Variants in CACNA1I observed in about 807,000 individuals in gnomAD.
CACNA1I encodes the protein calcium voltage-gated channel subunit alpha1 I, also known as voltage-dependent T-type calcium channel subunit alpha-1I.
A neutral mutation model predicts 201.6 loss-of-function variants in CACNA1I; 74 were observed. That is an observed-to-expected ratio of 0.37 (90% CI 0.30 to 0.45). CACNA1I has a LOEUF of 0.45. CACNA1I is among the 20% of genes least tolerant of loss of function. The pLI, the probability that CACNA1I is intolerant of heterozygous loss-of-function variation, is 1.00. For missense variants in CACNA1I, 2,346 were observed against 3,138.1 expected, an observed-to-expected ratio of 0.75 and a Z score of 6.03; for synonymous variants, 1,431 against 1,345.2, an observed-to-expected ratio of 1.06 and a Z score of -1.40.
intron 3 of CACNA1I, among the ~76,000 whole-genome samples, chr22:39,613,951 C>T (rs954863763): frequency 5.9e-5 from 9 of 152,196 alleles, no homozygotes; most frequent in African/African-American, 2.2e-4. Context: ...GATTCTCTTC[C>T]CTCAGCCTCT....
chr22:39,674,125 C>A, intron 29 of CACNA1I, 92 bp downstream of exon 29: 2 of 1,228,856 alleles, frequency 1.6e-6, no homozygotes, highest in Non-Finnish European at 1.2e-6. Context: ...CTTCTCCTCA[C>A]ATCTGCCAGA....
intron 5 of CACNA1I, among the ~76,000 whole-genome samples, chr22:39,639,641 TA>T (rs1288181852): frequency 1.3e-5 from 2 of 152,334 alleles, no homozygotes; most frequent in Middle Eastern, 3.4e-3. Context: ...TCAAAAAGTT[TA>T]TTTTTGTGTA....
In CACNA1I at chr22:39,661,381, G is replaced by A. The variant is rs972589896; in HGVS notation, c.2901+71G>A. 103 of 1,171,696 alleles carry A rather than the reference G, an allele frequency of 8.8e-5. No homozygotes were observed. In the East Asian group the frequency reaches 2.8e-3, roughly 32 times the overall value. 72.6% of individuals were successfully genotyped at this position (1,171,696 alleles called of 1,614,324 possible). Reference sequence around the variant, plus strand: ...GTGTGTGGAGGGGCCCTGAAGAGAGGTACCTGCCAGTCTAGCCTCAGACTC... The same window carrying A: ...GTGTGTGGAGGGGCCCTGAAGAGAGATACCTGCCAGTCTAGCCTCAGACTC... On this transcript the variant is annotated intron_variant, in intron 16 of 36. Coordinates refer to ENST00000402142, the MANE Select transcript of CACNA1I (RefSeq NM_021096.4).
At chr22:39,619,165 G>A in intron 3 of CACNA1I, 145 bp from the exon 4 acceptor site, 1 of 660,886 alleles carries the variant, frequency 1.5e-6, no homozygotes, top group Non-Finnish European at 2.7e-6. Context: ...CCACATGTTG[G>A]CCAGGTGTAG....
At chr22:39,604,914 A>G (rs911789600) in intron 3 of CACNA1I, among the ~76,000 whole-genome samples, 7 of 151,954 alleles carry the variant, frequency 4.6e-5, no homozygotes, top group Admixed American at 1.3e-4. Flanking sequence ...CTCACTGCCC[A>G]GCTATGTGCT....
intron 1 of CACNA1I, among the ~76,000 whole-genome samples, chr22:39,591,713 C>T (rs1932824363): frequency 6.6e-6 from 1 of 151,982 alleles, no homozygotes; most frequent in African/African-American, 2.4e-5. Context: ...CGCCTGCCAC[C>T]ATGCCCAGCT....
At chr22:39,642,946 C>T (rs1934387125) in intron 7 of CACNA1I, 57 bp downstream of exon 7, 8 of 1,233,210 alleles carry the variant, frequency 6.5e-6, no homozygotes, top group Non-Finnish European at 8.2e-6. Flanking sequence ...GACCAGGGGA[C>T]CTGAGGAGGG....
chr22:39,647,586 AT>A (rs571865324), intron 8 of CACNA1I, among the ~76,000 whole-genome samples: 10 of 151,442 alleles, frequency 6.6e-5, no homozygotes, highest in South Asian at 6.3e-4. Flanking sequence ...TAATTTTTTA[AT>A]TTTTTTTTGT....
Position 39,659,021 on chromosome 22 carries a change from G to A in CACNA1I, c.2235G>A (p.Met745Ile). The change falls in exon 12 of 37, where the codon ATG becomes ATA. Residue 745 changes from methionine (M) to isoleucine (I), a missense_variant. Coordinates refer to ENST00000402142, the MANE Select transcript of CACNA1I (RefSeq NM_021096.4). The surrounding 1 kb of genome is among the most constrained non-coding windows in gnomAD (Gnocchi z 4.3). ...GCGTGCTGAAACTGGTGCGCTTCAT[G>A]CCTGCCCTGCGGCGCCAGCTCGTGG... ...LLRVLKLVRFMPALRRQLVVL... is the reference protein window; with the variant it reads ...LLRVLKLVRFIPALRRQLVVL... 6.2e-7 allele frequency: 1 copy of A among 1,612,672 alleles called. No homozygotes were observed. Among genetic ancestry groups the A allele is most frequent in the Non-Finnish European group, 8.5e-7 (1 of 1,179,574 alleles).
At position 39,666,033 on chromosome 22, in the gene CACNA1I, C is replaced by T; in HGVS notation, c.4104+27C>T. 6.2e-7 allele frequency: 1 copy of T among 1,606,416 alleles called. No individual in the cohort carries two copies. Among genetic ancestry groups the T allele is most frequent in the Non-Finnish European group, 8.5e-7 (1 of 1,175,854 alleles). On this transcript the variant is annotated intron_variant, in intron 23 of 36. Transcript: ENST00000402142. The surrounding 1 kb of genome is among the most constrained non-coding windows in gnomAD (Gnocchi z 4.1). ...TGAGCACCACCGTCCTAGCCCTGAT[C>T]AGACCCTCCCCTCTCTTGGATGCCA...
intron 17 of CACNA1I, 86 bp downstream of exon 17, chr22:39,662,521 G>GCGGGCCCA (rs1170222207): frequency 1.2e-5 from 13 of 1,069,416 alleles, no homozygotes; most frequent in Non-Finnish European, 1.4e-5. Context: ...GCCCGAGCGG[G>GCGGGCCCA]CGGGCCCACG....
intron 34 of CACNA1I, among the ~76,000 whole-genome samples, chr22:39,681,754 G>T (rs1160347261): frequency 1.3e-5 from 2 of 152,034 alleles, no homozygotes; most frequent in African/African-American, 4.8e-5. Flanking sequence ...ACAGCTGGGG[G>T]ATACCCTGGG....
chr22:39,620,898 C>T (rs1479178330), intron 4 of CACNA1I, among the ~76,000 whole-genome samples: 1 of 152,132 alleles, frequency 6.6e-6, no homozygotes. Flanking sequence ...GCTGGGACTA[C>T]AGGCATGTGC....
intron 1 of CACNA1I, among the ~76,000 whole-genome samples, chr22:39,571,534 G>A (rs1173508350): frequency 1.3e-5 from 2 of 152,172 alleles, no homozygotes; most frequent in Admixed American, 1.3e-4. Context: ...GGTCCTGGAG[G>A]TGCAGAGCAA....
At chr22:39,611,031 C>G (rs1268953260) in intron 3 of CACNA1I, among the ~76,000 whole-genome samples, 1 of 152,082 alleles carries the variant, frequency 6.6e-6, no homozygotes, top group Non-Finnish European at 1.5e-5. Context: ...GCCCCTATCA[C>G]GTGGCTGAGG....
intron 23 of CACNA1I, among the ~76,000 whole-genome samples, chr22:39,667,031 TG>T (rs1935221325): frequency 6.6e-6 from 1 of 152,168 alleles, no homozygotes; most frequent in Non-Finnish European, 1.5e-5. Flanking sequence ...GAACCCTGCG[TG>T]GGGTGTTCTC....
intron 1 of CACNA1I, among the ~76,000 whole-genome samples, chr22:39,596,815 C>T (rs987219794): frequency 5.9e-5 from 9 of 152,062 alleles, no homozygotes; most frequent in Non-Finnish European, 1.2e-4. Flanking sequence ...TGCCGAAGAC[C>T]GCAGAGCCAG....
chr22:39,662,408 C>A lies in CACNA1I; in HGVS notation c.3345C>A (p.Arg1115=). 1 of 1,459,138 alleles carries A rather than the reference C, an allele frequency of 6.9e-7. No homozygotes were observed. 90.4% of individuals were successfully genotyped at this position (1,459,138 alleles called of 1,614,324 possible). The change falls in exon 17 of 37, where the codon CGC becomes CGA. Residue 1115 remains arginine, a synonymous_variant. Coordinates refer to ENST00000402142, the MANE Select transcript of CACNA1I (RefSeq NM_021096.4). ...CCAAGATGGGCGACCGCGGGGATCG[C>A]GGGGAGGATGAGGAGGAAATCGACT... The part of the protein sequence containing the change: ...VFTKMGDRGD[R]GEDEEEIDYT...
chr22:39,624,870 T>G (rs1201005654), intron 4 of CACNA1I, among the ~76,000 whole-genome samples: 1 of 151,826 alleles, frequency 6.6e-6, no homozygotes, highest in African/African-American at 2.4e-5. Flanking sequence ...ACATTTCTCC[T>G]ACTTATGGTT....
Sources: allele counts gnomAD v4.1 joint callset (sites outside exome capture counted in the v4.1 genomes callset), GRCh38; gene constraint gnomAD v4.1.1; non-coding constraint Gnocchi (gnomAD v3.1); transcripts MANE v1.5; gene names NCBI Gene and HGNC (gene_info 2026-07-23, HGNC 2026-07-21).